Variants in LRRTM4 observed in about 807,000 individuals in gnomAD.
LRRTM4 encodes the protein leucine rich repeat transmembrane neuronal 4, also known as leucine-rich repeat transmembrane neuronal protein 4.
In LRRTM4, 25 loss-of-function variants were observed where a neutral mutation model predicts 47.6. The observed-to-expected ratio is 0.53, with a 90% CI of 0.38 to 0.73. The LOEUF is 0.73. Among genes scored for constraint, LRRTM4 ranks in the 30% least tolerant of loss-of-function variants. The pLI, the probability that LRRTM4 is intolerant of heterozygous loss-of-function variation, is 0.00. For missense variants in LRRTM4, 638 were observed against 713.4 expected, an observed-to-expected ratio of 0.89 and a Z score of 1.20; for synonymous variants, 311 against 269.5, an observed-to-expected ratio of 1.15 and a Z score of -1.51.
chr2:76,926,644 T>C (rs1439658597), intron 3 of LRRTM4, among the ~76,000 whole-genome samples: 3 of 152,144 alleles, frequency 2.0e-5, no homozygotes, highest in Non-Finnish European at 4.4e-5. Flanking sequence ...ATGGTGTTAG[T>C]GGTTTCCTTA....
At chr2:76,808,412 A>G (rs537843958) in intron 3 of LRRTM4, among the ~76,000 whole-genome samples, 11 of 150,372 alleles carry the variant, frequency 7.3e-5, no homozygotes, top group Non-Finnish European at 1.6e-4. Context: ...ATATTTTCCA[A>G]CTGCATTGAA....
chr2:77,445,585 A>G (rs1397560071), intron 3 of LRRTM4, among the ~76,000 whole-genome samples: 1 of 152,020 alleles, frequency 6.6e-6, no homozygotes, highest in Non-Finnish European at 1.5e-5. Flanking sequence ...TTTCTCCTTT[A>G]CTAAGCATCA....
Position 77,184,009 on chromosome 2 carries a change from C to G in LRRTM4, c.1551+334309G>C, listed in dbSNP as rs1175644459. On this transcript the variant is annotated intron_variant, in intron 3 of 3. Coordinates refer to ENST00000409884, the MANE Select transcript of LRRTM4 (RefSeq NM_001134745.3). ...ATGAGGAGTTAATGGGTGCAGCACA[C>G]CAACATGGCATATGTATACATATGT... is the stretch of plus-strand genomic sequence containing the variant. Among the ~76,000 whole-genome samples, 3 of 152,004 alleles carry G rather than the reference C, an allele frequency of 2.0e-5. No individual in the cohort carries two copies. In the East Asian group the frequency reaches 5.8e-4, roughly 29 times the overall value.
chr2:76,803,001 G>C (rs1675785721), intron 3 of LRRTM4, among the ~76,000 whole-genome samples: 1 of 152,098 alleles, frequency 6.6e-6, no homozygotes, highest in East Asian at 1.9e-4. Context: ...AAAACAAGTA[G>C]TAGAAAACAG....
intron 3 of LRRTM4, among the ~76,000 whole-genome samples, chr2:77,115,727 T>C (rs914100259): frequency 3.3e-5 from 5 of 152,206 alleles, no homozygotes; most frequent in Non-Finnish European, 7.3e-5. Flanking sequence ...GACAATTATG[T>C]GAGAAATTCT....
At position 76,876,720 on chromosome 2, in the gene LRRTM4, AT is replaced by A. The variant is rs758465811; in HGVS notation, c.1552-127805del. 3.3e-5 allele frequency among the ~76,000 whole-genome samples: 5 copies of A among 151,908 alleles called. No homozygotes were observed. In the South Asian group the frequency reaches 6.2e-4, roughly 19 times the overall value. Reference sequence around the variant, plus strand: ...CATGACTTTTAGATATATCTGGTCCATTTTTTTAATATATCAACAGCTTATA... The same window carrying A: ...CATGACTTTTAGATATATCTGGTCCATTTTTTAATATATCAACAGCTTATA... On this transcript the variant is annotated intron_variant, in intron 3 of 3. Transcript: ENST00000409884.
At chr2:77,470,074 A>C (rs1677128816) in intron 3 of LRRTM4, among the ~76,000 whole-genome samples, 1 of 152,170 alleles carries the variant, frequency 6.6e-6, no homozygotes, top group African/African-American at 2.4e-5. Context: ...GATTGGTATT[A>C]GCTCTATAAG....
intron 1 of LRRTM4, 125 bp downstream of exon 1, chr2:77,521,984 A>C (rs1412706182): frequency 1.5e-6 from 1 of 663,340 alleles, no homozygotes; most frequent in Non-Finnish European, 2.8e-6. Flanking sequence ...TCTGAGGACC[A>C]TTGTGTAATT....
intron 3 of LRRTM4, among the ~76,000 whole-genome samples, chr2:76,916,281 A>G (rs988719881): frequency 6.8e-6 from 1 of 148,046 alleles, no homozygotes; most frequent in Non-Finnish European, 1.5e-5. Context: ...GCTACTCAGG[A>G]GGCTAAGGCA....
At position 77,519,532 on chromosome 2, in the gene LRRTM4, C is replaced by A. The variant is rs1484615851; in HGVS notation, c.337G>T (p.Glu113Ter). Reference protein sequence around the residue: ...DAFQGIRRLKELILSSNKITY... With the variant: ...DAFQGIRRLK The stretch of plus-strand genomic sequence containing the variant: ...ATTTTGTTGGAGCTTAGAATTAATT[C>A]TTTCAGTCTACGGATCCCTTGAAAT... Residue 113 changes from glutamate to a stop codon, truncating the protein, a stop_gained, in exon 3 of 4, where the codon GAA becomes TAA. Coordinates refer to ENST00000409884, the MANE Select transcript of LRRTM4 (RefSeq NM_001134745.3). LOFTEE classifies it high-confidence loss of function. The surrounding 1 kb of genome is among the most constrained non-coding windows in gnomAD (Gnocchi z 4.6). The A allele has an allele frequency of 1.2e-6, 2 of 1,613,292 alleles. No homozygotes were observed. The highest frequency in any genetic ancestry group is 2.2e-5 in the East Asian group (1 of 44,848).
At chr2:77,324,009 C>A (rs1420403584) in intron 3 of LRRTM4, among the ~76,000 whole-genome samples, 1 of 151,994 alleles carries the variant, frequency 6.6e-6, no homozygotes, top group African/African-American at 2.4e-5. Flanking sequence ...ACTAGGCTTG[C>A]ATTTATTCAT....
At chr2:77,471,474 A>G (rs1214119645) in intron 3 of LRRTM4, among the ~76,000 whole-genome samples, 3 of 151,964 alleles carry the variant, frequency 2.0e-5, no homozygotes. Flanking sequence ...TGATTATGTC[A>G]CTCATCTTCT....
rs181177173 is a variant in LRRTM4 at position 77,117,847 on chromosome 2, G to C, written c.1552-368931C>G. Among the ~76,000 whole-genome samples, 4 of 151,882 alleles carry C rather than the reference G, an allele frequency of 2.6e-5. No individual in the cohort carries two copies. The East Asian group carries it at 7.7e-4, about 29-fold the overall frequency. ...GCTCTAGGTGCTGGAGCTTATTTCT[G>C]CTTTAAGATTTCAATAGTTCATTGG... On this transcript the variant is annotated intron_variant, in intron 3 of 3. Coordinates refer to ENST00000409884, the MANE Select transcript of LRRTM4 (RefSeq NM_001134745.3).
intron 3 of LRRTM4, among the ~76,000 whole-genome samples, chr2:77,435,170 C>T (rs1024131857): frequency 6.6e-6 from 1 of 151,870 alleles, no homozygotes; most frequent in African/African-American, 2.4e-5. Flanking sequence ...GGCAAAAGAG[C>T]CCCTGGTTGA....
chr2:77,130,824 A>ATTTTTTTTTTTTTTTTTT lies in LRRTM4; in HGVS notation c.1552-381926_1552-381909dup, dbSNP rs768577274. Among the ~76,000 whole-genome samples, 2 of 35,622 alleles carry ATTTTTTTTTTTTTTTTTT rather than the reference A, an allele frequency of 5.6e-5. 1 individual carries two copies. The highest frequency in any genetic ancestry group is 2.5e-4 in the African/African-American group (2 of 8,050). 23.4% of individuals were successfully genotyped at this position (35,622 alleles called of 152,430 possible). ...CCGTGCCCGGCCAATTATTTGTTCT[A>ATTTTTTTTTTTTTTTTTT]TTTTTTTTTTTTTTTTTTTTTTTTT... On this transcript the variant is annotated intron_variant, in intron 3 of 3. Coordinates refer to ENST00000409884, the MANE Select transcript of LRRTM4 (RefSeq NM_001134745.3).
At chr2:77,119,009 C>G (rs1045487744) in intron 3 of LRRTM4, among the ~76,000 whole-genome samples, 1 of 151,842 alleles carries the variant, frequency 6.6e-6, no homozygotes, top group African/African-American at 2.4e-5. Flanking sequence ...ATAGTACTCA[C>G]AACCTAGAGA....
chr2:76,933,620 A>G (rs1432636783), intron 3 of LRRTM4, among the ~76,000 whole-genome samples: 4 of 152,152 alleles, frequency 2.6e-5, no homozygotes, highest in South Asian at 2.1e-4. Context: ...AAAAAATAAC[A>G]TAACAGGGTT....
intron 3 of LRRTM4, among the ~76,000 whole-genome samples, chr2:76,824,875 A>T (rs1453273602): frequency 6.6e-6 from 1 of 151,630 alleles, no homozygotes; most frequent in Non-Finnish European, 1.5e-5. Context: ...TTAGAGAAGC[A>T]ATGGGAACAA....
In LRRTM4 at chr2:77,471,494, C is replaced by T. The variant is rs1677187353; in HGVS notation, c.1551+46824G>A. Among the ~76,000 whole-genome samples the T allele has an allele frequency of 5.9e-5, 9 of 152,236 alleles. No homozygotes were observed. The South Asian group carries it at 1.9e-3, about 32-fold the overall frequency. On this transcript the variant is annotated intron_variant, in intron 3 of 3. Coordinates refer to ENST00000409884, the MANE Select transcript of LRRTM4 (RefSeq NM_001134745.3). ...ATGTCACTCATCTTCTCACACCCTT[C>T]CCCACTTGACTGGTTGGCCATTACC...
Sources: allele counts gnomAD v4.1 joint callset (sites outside exome capture counted in the v4.1 genomes callset), GRCh38; gene constraint gnomAD v4.1.1; non-coding constraint Gnocchi (gnomAD v3.1); transcripts MANE v1.5; gene names NCBI Gene and HGNC (gene_info 2026-07-23, HGNC 2026-07-21).